Variants in IPO5 observed in about 807,000 individuals in gnomAD.
The protein encoded by IPO5 is importin-5.
IPO5 carries 18 observed loss-of-function variants against 143.3 expected under a neutral mutation model. The observed-to-expected ratio is 0.13, with a 90% CI of 0.09 to 0.19. IPO5 has a LOEUF of 0.19. Among genes scored for constraint, IPO5 ranks in the 10% least tolerant of loss-of-function variants. The pLI, the probability that IPO5 is intolerant of heterozygous loss-of-function variation, is 1.00. For synonymous variants in IPO5, 477 were observed against 465.7 expected (o/e 1.02, Z -0.31); for missense variants, 1,013 against 1,336.9 (o/e 0.76, Z 3.78).
In IPO5 at chr13:98,015,549, A is replaced by G; in HGVS notation, c.2345A>G (p.Asp782Gly). The change falls in exon 23 of 29, where the codon GAT (aspartate) becomes GGT (glycine). Residue 782 changes from aspartate (D) to glycine (G), a missense_variant. Coordinates refer to ENST00000651721, the MANE Select transcript of IPO5 (RefSeq NM_002271.6). ...SFAKCIEVMG[D>G]GCLNNEHFEE... is the part of the protein sequence containing the mutation. ...CATTAGTGCATTGAAGTAATGGGAG[A>G]TGGATGCCTTAATAATGAACACTTT... is the stretch of plus-strand genomic sequence containing the variant. The G allele has an allele frequency of 6.2e-7, 1 of 1,605,198 alleles. No individual in the cohort carries two copies.
At chr13:97,963,553 A>G (rs1885061593) in intron 2 of IPO5, among the ~76,000 whole-genome samples, 1 of 151,876 alleles carries the variant, frequency 6.6e-6, no homozygotes, top group Non-Finnish European at 1.5e-5. Context: ...GTATTTTAGT[A>G]CAGATGGGGT....
At chr13:97,974,463 C>T (rs747279489) in intron 3 of IPO5, among the ~76,000 whole-genome samples, 24 of 151,966 alleles carry the variant, frequency 1.6e-4, no homozygotes, top group Non-Finnish European at 2.9e-4. Context: ...CCCACCACCA[C>T]CACACCTGGC....
chr13:97,983,873 A>G (rs954554793), intron 5 of IPO5, among the ~76,000 whole-genome samples: 2 of 149,218 alleles, frequency 1.3e-5, no homozygotes, highest in Non-Finnish European at 3.0e-5. Context: ...TTTTTTCTAG[A>G]TGACAAGAGG....
At position 97,970,489 on chromosome 13, in the gene IPO5, C is replaced by T. The variant is rs79416564; in HGVS notation, c.-5+659C>T. 6.5e-4 allele frequency among the ~76,000 whole-genome samples: 99 copies of T among 152,138 alleles called. 1 individual carries two copies. The East Asian group carries it at 0.018, about 27-fold the overall frequency. ...AAAAAAAATTAGCCGGGCATGGTGG[C>T]GGGCGCCTGTAATCCCAGCTACTTG... On this transcript the variant is annotated intron_variant, in intron 3 of 28. Transcript: ENST00000651721.
At position 97,992,971 on chromosome 13, in the gene IPO5, A is replaced by G. The variant is rs1427705206; in HGVS notation, c.749A>G (p.Tyr250Cys). The part of the protein sequence containing the change: ...LVEIADTVPK[Y>C]LRPHLEATLQ... ...GAGATTGCAGATACTGTTCCAAAGT[A>G]TTTGCGTCCTCACTTGGAAGCAACT... Residue 250 changes from tyrosine to cysteine, a missense_variant, in exon 10 of 29, where the codon TAT becomes TGT. By Grantham distance (194) the Tyr-to-Cys change is radical. This residue lies in a region of IPO5 where 328 missense variants were observed against 342.0 expected (regional missense o/e 0.96). Coordinates refer to ENST00000651721, the MANE Select transcript of IPO5 (RefSeq NM_002271.6). 1 of 1,613,792 alleles carries G rather than the reference A, an allele frequency of 6.2e-7. No individual in the cohort carries two copies. The highest frequency in any genetic ancestry group is 2.2e-5 in the East Asian group (1 of 44,876).
intron 9 of IPO5, among the ~76,000 whole-genome samples, chr13:97,991,998 A>C (rs1417969878): frequency 6.6e-6 from 1 of 152,172 alleles, no homozygotes; most frequent in Admixed American, 6.6e-5. Flanking sequence ...CTTGAGAACC[A>C]CTGAGTTAGA....
At chr13:98,020,957 A>G in intron 27 of IPO5, 35 bp from the exon 28 acceptor site, 1 of 1,560,728 alleles carries the variant, frequency 6.4e-7, no homozygotes, top group Non-Finnish European at 8.7e-7. Flanking sequence ...CTCCTTATAA[A>G]TTTCACTTAC....
chr13:97,999,413 G>A (rs1397865672), intron 12 of IPO5, among the ~76,000 whole-genome samples: 1 of 152,068 alleles, frequency 6.6e-6, no homozygotes, highest in Non-Finnish European at 1.5e-5. Context: ...ACTGTAATGT[G>A]CTGCTACCTG....
At chr13:98,006,391 T>C (rs2058367391) in intron 17 of IPO5, 43 bp downstream of exon 17, 1 of 809,972 alleles carries the variant, frequency 1.2e-6, no homozygotes, top group Non-Finnish European at 1.7e-6. Flanking sequence ...TTTTTTTTTT[T>C]TGAGACAGAG....
rs144637378 is a variant in IPO5 at position 98,005,101 on chromosome 13, T to C, written c.1498-1029T>C. ...GAGTGGAGACAGGGTTTCACCATGTTGGCCAGTCTGTTCTTGAACACCTGA... is the reference window on the plus strand; with the variant it reads ...GAGTGGAGACAGGGTTTCACCATGTCGGCCAGTCTGTTCTTGAACACCTGA... On this transcript the variant is annotated intron_variant, in intron 16 of 28. Coordinates refer to ENST00000651721, the MANE Select transcript of IPO5 (RefSeq NM_002271.6). Among the ~76,000 whole-genome samples the C allele has an allele frequency of 9.4e-3, 1,424 of 151,856 alleles. 26 individuals are homozygous for C. Among genetic ancestry groups the C allele is most frequent in the African/African-American group, 0.033 (1,366 of 41,470 alleles).
intron 21 of IPO5, among the ~76,000 whole-genome samples, chr13:98,013,800 T>G (rs1011467187): frequency 7.9e-5 from 12 of 152,168 alleles, no homozygotes; most frequent in African/African-American, 2.7e-4. Flanking sequence ...TTTTGTATTT[T>G]GGTTTACATT....
Position 98,012,833 on chromosome 13 carries a change from A to T in IPO5, c.2152+491A>T, listed in dbSNP as rs191555484. Among the ~76,000 whole-genome samples, 53 of 129,028 alleles carry T rather than the reference A, an allele frequency of 4.1e-4. 1 individual carries two copies. The East Asian group carries it at 0.022, about 54-fold the overall frequency. The allele number at this position is 129,028 out of a possible 152,430, so 84.6% of individuals were successfully genotyped here. A position where few individuals can be genotyped will look rare whatever the true frequency, so the allele number is the denominator to read the frequency against. Reference sequence around the variant, plus strand: ...TTTTTTTTTTTTTTTTTTTTAAGAGATAAGGTCTGCCTATGTTGCCCAGGC... The same window carrying T: ...TTTTTTTTTTTTTTTTTTTTAAGAGTTAAGGTCTGCCTATGTTGCCCAGGC... On this transcript the variant is annotated intron_variant, in intron 21 of 28. Transcript: ENST00000651721.
chr13:97,967,115 G>A (rs561798354), intron 2 of IPO5, among the ~76,000 whole-genome samples: 10 of 152,066 alleles, frequency 6.6e-5, no homozygotes, highest in South Asian at 2.1e-4. Flanking sequence ...CTATTTCTTC[G>A]TGAATCACTT....
intron 23 of IPO5, 36 bp downstream of exon 23, chr13:98,015,677 C>A: frequency 6.3e-7 from 1 of 1,578,270 alleles, no homozygotes; most frequent in Non-Finnish European, 8.7e-7. Flanking sequence ...GAATATAATC[C>A]TTGACCATCT....
chr13:97,983,401 C>T (rs936719269), intron 5 of IPO5, among the ~76,000 whole-genome samples: 6 of 152,006 alleles, frequency 3.9e-5, no homozygotes, highest in African/African-American at 1.4e-4. Flanking sequence ...TGGTTTTTAG[C>T]TAATTACCTA....
Position 98,002,873 on chromosome 13 carries a change from G to A in IPO5, c.1333G>A (p.Ala445Thr), listed in dbSNP as rs748896856. Residue 445 changes from alanine to threonine, a missense_variant, in exon 16 of 29, where the codon GCT becomes ACT. By Grantham distance (58) the Ala-to-Thr change is moderately conservative. Coordinates refer to ENST00000651721, the MANE Select transcript of IPO5 (RefSeq NM_002271.6). ...QKKFHEKVIA[A>T]LLQTMEDQGN... ...TGGTTTCATTTCACAGGTGATTGCAGCTCTGCTGCAGACCATGGAAGACCA... is the reference window on the plus strand; with the variant it reads ...TGGTTTCATTTCACAGGTGATTGCAACTCTGCTGCAGACCATGGAAGACCA... 3.1e-6 allele frequency: 5 copies of A among 1,610,866 alleles called. No individual in the cohort carries two copies. Among genetic ancestry groups the A allele is most frequent in the Middle Eastern group, 1.7e-4 (1 of 6,030 alleles).
chr13:98,002,257 C>T (rs1488494584), intron 13 of IPO5: 7 of 343,970 alleles, frequency 2.0e-5, no homozygotes, highest in Admixed American at 8.9e-5. Flanking sequence ...CCTTGTGATC[C>T]GCCCGCCTCA....
At position 97,976,743 on chromosome 13, in the gene IPO5, G is replaced by A; in HGVS notation, c.47G>A (p.Gly16Glu). Residue 16 changes from glycine (G) to glutamate (E), a missense_variant, in exon 4 of 29, where the codon GGA becomes GAA. By Grantham distance (98) the Gly-to-Glu change is moderately conservative. Coordinates refer to ENST00000651721, the MANE Select transcript of IPO5 (RefSeq NM_002271.6). ...CAGCAACAGTTCTACCTGCTCCTGGGAAACCTGCTCAGCCCCGACAATGTG... is the reference window on the plus strand; with the variant it reads ...CAGCAACAGTTCTACCTGCTCCTGGAAAACCTGCTCAGCCCCGACAATGTG... ...AEQQQFYLLL[G>E]NLLSPDNVVR... 1 of 1,417,180 alleles carries A rather than the reference G, an allele frequency of 7.1e-7. No individual in the cohort carries two copies. The highest frequency in any genetic ancestry group is 9.4e-7 in the Non-Finnish European group (1 of 1,061,422). The allele number at this position is 1,417,180 out of a possible 1,614,324, so 87.8% of individuals were successfully genotyped here. A position where few individuals can be genotyped will look rare whatever the true frequency, so the allele number is the denominator to read the frequency against.
At position 97,974,830 on chromosome 13, in the gene IPO5, C is replaced by T. The variant is rs78038553; in HGVS notation, c.-4-1863C>T. On this transcript the variant is annotated intron_variant, in intron 3 of 28. Coordinates refer to ENST00000651721, the MANE Select transcript of IPO5 (RefSeq NM_002271.6). Reference sequence around the variant, plus strand: ...AATTCAACAAAGATAGGTCTGCAGACCTCCTGTAGAGAACCCATCATTGTC... The same window carrying T: ...AATTCAACAAAGATAGGTCTGCAGATCTCCTGTAGAGAACCCATCATTGTC... Among the ~76,000 whole-genome samples the T allele has an allele frequency of 8.4e-3, 1,275 of 152,238 alleles. 22 individuals carry two copies. Among genetic ancestry groups the T allele is most frequent in the African/African-American group, 0.029 (1,221 of 41,522 alleles).
Sources: gnomAD v4.1 joint callset for allele counts (sites outside exome capture counted in the v4.1 genomes callset) on GRCh38, gnomAD v4.1.1 for gene constraint, gnomAD v4.1.1 regional missense constraint, MANE v1.5 for transcripts, NCBI Gene and HGNC (gene_info 2026-07-23, HGNC 2026-07-21) for gene names.